Variants in RIF1 observed in about 807,000 individuals in gnomAD.
The protein encoded by RIF1 is telomere-associated protein RIF1.
RIF1 carries 45 observed loss-of-function variants against 247.1 expected under a neutral mutation model. The ratio of observed to expected loss-of-function variants is 0.18; its 90% confidence interval spans 0.14 to 0.23. The LOEUF (loss-of-function observed/expected upper bound fraction) is 0.23, where lower values mean the gene tolerates loss of function less well. RIF1 is among the 10% of genes least tolerant of loss of function. RIF1 has a pLI of 1.00. For missense variants in RIF1, 2,967 were observed against 2,862.5 expected (o/e 1.04, Z -0.83); for synonymous variants, 1,087 against 978.8 (o/e 1.11, Z -2.06).
At chr2:151,533,674 C>T in the RIF1 span, 19 of 613,382 alleles carry the variant, frequency 3.1e-5, no homozygotes, top group East Asian at 8.4e-5. Flanking sequence ...CACATATGTG[C>T]GGGTGAAGAC....
chr2:151,465,182 C>G lies in RIF1; in HGVS notation c.5662C>G (p.Pro1888Ala). The G allele has an allele frequency of 6.2e-7, 1 of 1,612,990 alleles. No individual in the cohort carries two copies. Among genetic ancestry groups the G allele is most frequent in the Non-Finnish European group, 8.5e-7 (1 of 1,179,764 alleles). ...AAAAGAAGAAAAACCAGAAGAAACC[C>G]CAAAAATGGAACTGAGTCTAGAGAA... ...ETKEEKPEETPKMELSLENVT... is the reference protein window; with the variant it reads ...ETKEEKPEETAKMELSLENVT... Residue 1888 changes from proline (P) to alanine (A), a missense_variant, in exon 30 of 36, where the codon CCA becomes GCA. Transcript: ENST00000444746.
chr2:151,420,127 T>A, intron 6 of RIF1, 63 bp from the exon 7 acceptor site: 2 of 1,429,510 alleles, frequency 1.4e-6, no homozygotes, highest in Non-Finnish European at 1.9e-6. Context: ...TCACCTATTT[T>A]ACTGCTTGTT....
intron 11 of RIF1, among the ~76,000 whole-genome samples, chr2:151,502,355 A>G (rs1035639347): frequency 1.5e-4 from 22 of 150,818 alleles, no homozygotes; most frequent in Admixed American, 1.3e-3. Flanking sequence ...GTACCTCCCA[A>G]ACTTATGGAA....
At chr2:151,413,612 A>G (rs1049767258) in intron 3 of RIF1, among the ~76,000 whole-genome samples, 6 of 152,236 alleles carry the variant, frequency 3.9e-5, no homozygotes, top group Non-Finnish European at 7.4e-5. Flanking sequence ...TTAATCACAA[A>G]CATTTACTAG....
rs575013687 is a variant in RIF1 at position 151,456,318 on chromosome 2, T to C, written c.2610-260T>C. On this transcript the variant is annotated intron_variant, in intron 22 of 35. Transcript: ENST00000444746. ...TCAAAAGTAATGCCTAAAAGAAATG[T>C]ACAGAAACAAGCAGTTAATATGATT... 2.0e-5 allele frequency among the ~76,000 whole-genome samples: 3 copies of C among 152,350 alleles called. No individual in the cohort carries two copies. The South Asian group carries it at 6.2e-4, about 32-fold the overall frequency.
the RIF1 span, chr2:151,532,115 G>A: frequency 4.4e-5 from 18 of 408,672 alleles, no homozygotes; most frequent in African/African-American, 1.0e-4. Context: ...GTTTCCCTCC[G>A]AGACGGAGTC....
intron 25 of RIF1, among the ~76,000 whole-genome samples, chr2:151,459,581 A>C (rs1328178713): frequency 2.6e-5 from 4 of 152,198 alleles, no homozygotes; most frequent in Admixed American, 2.0e-4. Context: ...TGTGGTCTGT[A>C]AAAGCTATAT....
At chr2:151,448,334 G>A (rs187288476) in intron 20 of RIF1, among the ~76,000 whole-genome samples, 2 of 152,178 alleles carry the variant, frequency 1.3e-5, no homozygotes, top group East Asian at 1.9e-4. Flanking sequence ...GTGAGCCGCC[G>A]CGCCCAGCCA....
chr2:151,516,376 A>G, the RIF1 span: 3 of 884,288 alleles, frequency 3.4e-6, no homozygotes, highest in Non-Finnish European at 5.3e-6. Context: ...TTTGGATGAC[A>G]GGAAACTGGC....
chr2:151,502,849 T>C (rs778111805), intron 11 of RIF1: 1 of 1,607,146 alleles, frequency 6.2e-7, no homozygotes, highest in South Asian at 1.1e-5. Context: ...GTGATAGGTG[T>C]TGGGATTCCT....
intron 9 of RIF1, chr2:151,494,134 A>C: frequency 6.4e-7 from 1 of 1,566,670 alleles, no homozygotes; most frequent in Non-Finnish European, 8.7e-7. Flanking sequence ...GCAAAATTAA[A>C]AGCACTTTTG....
the RIF1 span, chr2:151,516,591 C>T: frequency 7.0e-7 from 1 of 1,430,328 alleles, no homozygotes; most frequent in South Asian, 1.2e-5. Flanking sequence ...TGTTAGATAT[C>T]TCTCCTCTGG....
At chr2:151,526,369 A>C in the RIF1 span, 4 of 789,538 alleles carry the variant, frequency 5.1e-6, no homozygotes, top group Admixed American at 2.2e-5. Flanking sequence ...TACTAAACTC[A>C]ATAAAAGATG....
chr2:151,479,492 C>G lies in RIF1; in HGVS notation c.*4421C>G, dbSNP rs1023158970. 3.3e-5 allele frequency: 5 copies of G among 152,038 alleles called. No homozygotes were observed. Among genetic ancestry groups the G allele is most frequent in the Non-Finnish European group, 7.4e-5 (5 of 68,006 alleles). The allele number at this position is 152,038 out of a possible 1,614,324, so 9.4% of individuals were successfully genotyped here. On this transcript the variant is annotated 3_prime_UTR_variant, in exon 36 of 36. Coordinates refer to ENST00000444746, the MANE Select transcript of RIF1 (RefSeq NM_018151.5). ...AATCTTGCCTTCTATTATGGATCAT[C>G]GTTATTAATAAACATGGAAAATCAA...
In RIF1 at chr2:151,462,868, A is replaced by G. The variant is rs972103939; in HGVS notation, c.3364-16A>G. On this transcript the variant is annotated splice_polypyrimidine_tract_variant and intron_variant, in intron 29 of 35. Coordinates refer to ENST00000444746, the MANE Select transcript of RIF1 (RefSeq NM_018151.5). ...TTAATCTGTGTGTGTATATATATGT[A>G]TATATTTCTGTGCAGGAGGAGCAAA... 1.3e-6 allele frequency: 2 copies of G among 1,531,980 alleles called. No individual in the cohort carries two copies. Among genetic ancestry groups the G allele is most frequent in the African/African-American group, 1.4e-5 (1 of 72,204 alleles). The allele number at this position is 1,531,980 out of a possible 1,614,324, so 94.9% of individuals were successfully genotyped here. A position where few individuals can be genotyped will look rare whatever the true frequency, so the allele number is the denominator to read the frequency against.
At chr2:151,444,941 C>A (rs778379410) in intron 18 of RIF1, among the ~76,000 whole-genome samples, 4 of 152,268 alleles carry the variant, frequency 2.6e-5, no homozygotes, top group Admixed American at 6.5e-5. Context: ...ATTGGTTTCT[C>A]CTGGAGCTCT....
chr2:151,439,992 A>AAAAAT, intron 14 of RIF1, 35 bp from the exon 15 acceptor site: 1 of 881,498 alleles, frequency 1.1e-6, no homozygotes, highest in Non-Finnish European at 1.8e-6. Context: ...AAAAAAAAAA[A>AAAAAT]AAAGAACTAT....
the RIF1 span, chr2:151,513,506 G>T: frequency 1.9e-6 from 2 of 1,070,240 alleles, no homozygotes; most frequent in Non-Finnish European, 2.8e-6. Flanking sequence ...TAAATCAGAT[G>T]ACAGAGGGAC....
the RIF1 span, chr2:151,516,614 C>A: frequency 8.2e-7 from 1 of 1,215,686 alleles, no homozygotes; most frequent in Non-Finnish European, 1.2e-6. Context: ...AATTCCTAGA[C>A]AGCAGTTTAA....
Sources: gnomAD v4.1 joint callset for allele counts (sites outside exome capture counted in the v4.1 genomes callset) on GRCh38, gnomAD v4.1.1 for gene constraint, MANE v1.5 for transcripts, NCBI Gene and HGNC (gene_info 2026-07-23, HGNC 2026-07-21) for gene names.